The following TMEM132B variants were observed in gnomAD, a reference collection of about 807,000 sequenced individuals.
TMEM132B encodes transmembrane protein 132B.
A neutral mutation model predicts 90.8 loss-of-function variants in TMEM132B; 18 were observed. The ratio of observed to expected loss-of-function variants is 0.20; its 90% CI spans 0.14 to 0.29. TMEM132B has a LOEUF of 0.29. Among genes scored for constraint, TMEM132B ranks in the 10% least tolerant of loss-of-function variants. TMEM132B has a pLI of 1.00. For synonymous variants in TMEM132B, 504 were observed against 523.3 expected, an observed-to-expected ratio of 0.96 and a Z score of 0.50; for missense variants, 1,096 against 1,326.8, an observed-to-expected ratio of 0.83 and a Z score of 2.70.
chr12:125,229,904 A>G (rs10846848), intron 1 of TMEM132B, among the ~76,000 whole-genome samples: 5,670 of 152,354 alleles, frequency 0.037, 131 homozygotes, highest in Non-Finnish European at 0.049. Context: ...AATTTCGTCT[A>G]AAGGGTCTCC....
intron 4 of TMEM132B, among the ~76,000 whole-genome samples, chr12:125,526,710 T>A (rs1300953661): frequency 6.6e-6 from 1 of 152,148 alleles, no homozygotes; most frequent in African/African-American, 2.4e-5. Flanking sequence ...ACACAGCTTT[T>A]GGGAGAATGC....
At chr12:125,196,355 C>T (rs539453322) in intron 1 of TMEM132B, among the ~76,000 whole-genome samples, 9 of 152,310 alleles carry the variant, frequency 5.9e-5, no homozygotes, top group Non-Finnish European at 1.0e-4. Flanking sequence ...GTTTGATCTT[C>T]CCAAGAGTCC....
At chr12:125,243,959 C>T (rs1286464782) in intron 1 of TMEM132B, among the ~76,000 whole-genome samples, 2 of 152,174 alleles carry the variant, frequency 1.3e-5, no homozygotes, top group African/African-American at 4.8e-5. Context: ...TAACCTCCTT[C>T]CTGTCTCTCT....
intron 6 of TMEM132B, among the ~76,000 whole-genome samples, chr12:125,644,921 A>G (rs189300696): frequency 1.3e-5 from 2 of 152,296 alleles, no homozygotes; most frequent in Admixed American, 6.5e-5. Context: ...GTGAATGGAT[A>G]CATACTATAG....
At chr12:125,511,228 A>G (rs891478330) in intron 3 of TMEM132B, among the ~76,000 whole-genome samples, 16 of 152,338 alleles carry the variant, frequency 1.1e-4, no homozygotes, top group African/African-American at 3.8e-4. Context: ...AGCATTTCTC[A>G]GTAATTCTTT....
At position 125,406,358 on chromosome 12, in the gene TMEM132B, C is replaced by T. The variant is rs922595471; in HGVS notation, c.960-9173C>T. Among the ~76,000 whole-genome samples, 27 of 152,210 alleles carry T rather than the reference C, an allele frequency of 1.8e-4. No homozygotes were observed. The highest frequency in any genetic ancestry group is 3.1e-4 in the Non-Finnish European group (21 of 68,036). ...ACGAGGCATCTGTGTATTAGCAGTG[C>T]AAGGCGGAGGACAGTGCCTGGCTTC... On this transcript the variant is annotated intron_variant, in intron 2 of 8. Transcript: ENST00000682704. This position sits in a 1 kb window ranked among gnomAD's most constrained non-coding sequence, Gnocchi z 8.3.
In TMEM132B at chr12:125,408,992, CTAA is replaced by C. The variant is rs796493504; in HGVS notation, c.960-6525_960-6523del. ...TTAATAATAATAGTGATAATGATAA[CTAA>C]TAATAATAATAATTGAAAAGTCAAG... On this transcript the variant is annotated intron_variant, in intron 2 of 8. Coordinates refer to ENST00000682704, the MANE Select transcript of TMEM132B (RefSeq NM_001366854.1). This position sits in a 1 kb window ranked among gnomAD's most constrained non-coding sequence, Gnocchi z 5.9. Among the ~76,000 whole-genome samples, 539 of 152,144 alleles carry C rather than the reference CTAA, an allele frequency of 3.5e-3. 4 individuals carry two copies. Among genetic ancestry groups the C allele is most frequent in the African/African-American group, 0.012 (508 of 41,502 alleles).
At chr12:125,256,102 A>G (rs1360836299) in intron 1 of TMEM132B, among the ~76,000 whole-genome samples, 2 of 152,172 alleles carry the variant, frequency 1.3e-5, no homozygotes, top group African/African-American at 4.8e-5. Flanking sequence ...CCTGTCATCA[A>G]ACTCTGAAGA....
intron 2 of TMEM132B, among the ~76,000 whole-genome samples, chr12:125,362,536 G>A (rs11058152): frequency 5.9e-5 from 9 of 152,216 alleles, no homozygotes; most frequent in East Asian, 5.8e-4. Context: ...AACTACATGC[G>A]CACTATTGGA....
rs928016068 is a variant in TMEM132B, at chr12:125,562,229, G to A, written c.1294-21622G>A. 4.6e-5 allele frequency among the ~76,000 whole-genome samples: 7 copies of A among 152,174 alleles called. No homozygotes were observed. In the South Asian group the frequency reaches 6.2e-4, roughly 13 times the overall value. On this transcript the variant is annotated intron_variant, in intron 4 of 8. Transcript: ENST00000682704. ...TTCTGCAGCTTCCTCACCTCTCTAAGCTGTCACAGAATTGAAGAGAGATAG... is the reference window on the plus strand; with the variant it reads ...TTCTGCAGCTTCCTCACCTCTCTAAACTGTCACAGAATTGAAGAGAGATAG...
chr12:125,518,598 T>C (rs759348289), intron 3 of TMEM132B, among the ~76,000 whole-genome samples: 1 of 152,248 alleles, frequency 6.6e-6, no homozygotes, highest in African/African-American at 2.4e-5. Flanking sequence ...GTTTTAACTC[T>C]GTTCAGTGAC....
At chr12:125,566,835 CTTTTTTTTTT>C (rs869196346) in intron 4 of TMEM132B, among the ~76,000 whole-genome samples, 3 of 78,738 alleles carry the variant, frequency 3.8e-5, no homozygotes, top group African/African-American at 1.2e-4. Flanking sequence ...TCTTCTTCTT[CTTTTTTTTTT>C]TTTTTTTTTT....
chr12:125,512,070 GA>G (rs1388021884), intron 3 of TMEM132B, among the ~76,000 whole-genome samples: 1 of 152,102 alleles, frequency 6.6e-6, no homozygotes, highest in Non-Finnish European at 1.5e-5. Flanking sequence ...GCAGAATGAG[GA>G]ATCACTGGTG....
At chr12:125,478,868 C>T (rs1458689134) in intron 3 of TMEM132B, among the ~76,000 whole-genome samples, 33 of 152,190 alleles carry the variant, frequency 2.2e-4, no homozygotes, top group South Asian at 2.1e-4. Flanking sequence ...AGAGAAAGGT[C>T]GGGTTACCCA....
intron 1 of TMEM132B, among the ~76,000 whole-genome samples, chr12:125,214,106 C>T (rs1311437675): frequency 2.0e-5 from 3 of 152,222 alleles, no homozygotes; most frequent in East Asian, 3.9e-4. Context: ...GAGCAGGAGC[C>T]ATTAGGGTTA....
intron 3 of TMEM132B, among the ~76,000 whole-genome samples, chr12:125,516,142 C>G (rs776561869): frequency 5.3e-5 from 8 of 151,764 alleles, no homozygotes; most frequent in African/African-American, 1.9e-4. Context: ...CACACACACA[C>G]TCACACACTA....
At chr12:125,481,314 T>C (rs1241822843) in intron 3 of TMEM132B, among the ~76,000 whole-genome samples, 1 of 152,216 alleles carries the variant, frequency 6.6e-6, no homozygotes, top group Non-Finnish European at 1.5e-5. Flanking sequence ...GGAAGTCAAA[T>C]TGTCCCTATT....
At chr12:125,577,876 G>A (rs10773175) in intron 4 of TMEM132B, among the ~76,000 whole-genome samples, 42,096 of 151,832 alleles carry the variant, frequency 0.28, 6,298 homozygotes, top group East Asian at 0.58. Context: ...TTGTTTAAAA[G>A]AGGATTGTTT....
intron 3 of TMEM132B, among the ~76,000 whole-genome samples, chr12:125,448,952 G>C (rs931968070): frequency 7.3e-5 from 11 of 150,328 alleles, no homozygotes; most frequent in Admixed American, 4.0e-4. Flanking sequence ...TGCTTATTTG[G>C]CATTCATATA....
Sources: allele counts gnomAD v4.1 joint callset (sites outside exome capture counted in the v4.1 genomes callset), GRCh38; gene constraint gnomAD v4.1.1; non-coding constraint Gnocchi (gnomAD v3.1); transcripts MANE v1.5; gene names NCBI Gene and HGNC (gene_info 2026-07-23, HGNC 2026-07-21).